The following OTUD7A variants were observed in gnomAD, a reference collection of about 807,000 sequenced individuals.
The protein encoded by OTUD7A is OTU domain-containing protein 7A.
A neutral mutation model predicts 65.7 loss-of-function variants in OTUD7A; 12 were observed. The ratio of observed to expected loss-of-function variants is 0.18; its 90% CI spans 0.12 to 0.30. The LOEUF is 0.30. OTUD7A is among the 10% of genes least tolerant of loss of function. The pLI is 1.00. For missense variants in OTUD7A, 1,148 were observed against 1,304.8 expected (o/e 0.88, Z 1.85); for synonymous variants, 641 against 586.3 (o/e 1.09, Z -1.35).
chr15:31,779,488 G>T (rs1018079525), intron 1 of OTUD7A, among the ~76,000 whole-genome samples: 2 of 152,282 alleles, frequency 1.3e-5, no homozygotes, highest in Middle Eastern at 3.4e-3. Context: ...CATATAAACA[G>T]CATTTGCTTT....
intron 8 of OTUD7A, among the ~76,000 whole-genome samples, chr15:31,513,520 G>A (rs1396219325): frequency 6.6e-6 from 1 of 152,188 alleles, no homozygotes; most frequent in South Asian, 2.1e-4. Context: ...CCTTCACCTG[G>A]AACATTTCTC....
chr15:31,607,093 T>C (rs559034780), intron 3 of OTUD7A, among the ~76,000 whole-genome samples: 1 of 152,206 alleles, frequency 6.6e-6, no homozygotes, highest in African/African-American at 2.4e-5. Context: ...ATAAAGGCAG[T>C]GAGGAATGTT....
intron 1 of OTUD7A, among the ~76,000 whole-genome samples, chr15:31,800,536 C>T (rs909134096): frequency 2.0e-5 from 3 of 152,090 alleles, no homozygotes; most frequent in Admixed American, 1.3e-4. Context: ...ACAGGAGAGC[C>T]AACCTACCCA....
At chr15:31,485,206 C>T (rs1049323012) in intron 12 of OTUD7A, among the ~76,000 whole-genome samples, 1 of 152,198 alleles carries the variant, frequency 6.6e-6, no homozygotes, top group African/African-American at 2.4e-5. Context: ...AGGATGGAGG[C>T]CTTCAGGTGG....
rs544234450 is a variant in OTUD7A, at chr15:31,811,286, T to C, written c.-100+59221A>G. Among the ~76,000 whole-genome samples, 96 of 151,948 alleles carry C rather than the reference T, an allele frequency of 6.3e-4. 1 individual carries two copies. The highest frequency in any genetic ancestry group is 6.8e-3 in the Middle Eastern group (2 of 294). ...TTAGGAAATGAATTATTGAGACCTTTTGGTTGATTTGATGTGTGTGTGTGG... is the reference window on the plus strand; with the variant it reads ...TTAGGAAATGAATTATTGAGACCTTCTGGTTGATTTGATGTGTGTGTGTGG... On this transcript the variant is annotated intron_variant, in intron 1 of 12. Coordinates refer to ENST00000307050, the MANE Select transcript of OTUD7A (RefSeq NM_001382637.1).
intron 1 of OTUD7A, among the ~76,000 whole-genome samples, chr15:31,807,806 A>AC (rs199823328): frequency 1.3e-4 from 20 of 151,552 alleles, no homozygotes; most frequent in Non-Finnish European, 2.5e-4. Flanking sequence ...CACTCCCCCA[A>AC]CCCCCCAAAA....
intron 1 of OTUD7A, among the ~76,000 whole-genome samples, chr15:31,687,691 T>C (rs561053066): frequency 6.6e-6 from 1 of 152,268 alleles, no homozygotes; most frequent in Non-Finnish European, 1.5e-5. Flanking sequence ...CTTGACCACC[T>C]CAGTATATGC....
intron 8 of OTUD7A, among the ~76,000 whole-genome samples, chr15:31,519,936 G>A (rs2041915417): frequency 6.6e-6 from 1 of 152,038 alleles, no homozygotes; most frequent in Non-Finnish European, 1.5e-5. Context: ...ATTTAACCAG[G>A]GATGTGAAAG....
At chr15:31,619,167 G>A (rs1173407771) in intron 3 of OTUD7A, among the ~76,000 whole-genome samples, 1 of 152,118 alleles carries the variant, frequency 6.6e-6, no homozygotes, top group Non-Finnish European at 1.5e-5. Flanking sequence ...ATGCTGTTTT[G>A]GTTACTGCAA....
At chr15:31,817,793 G>T (rs1031423068) in intron 1 of OTUD7A, among the ~76,000 whole-genome samples, 1 of 152,204 alleles carries the variant, frequency 6.6e-6, no homozygotes, top group African/African-American at 2.4e-5. Flanking sequence ...CCAACCTGCT[G>T]CCCACCTGCC....
At chr15:31,716,754 G>A (rs2141343748) in intron 1 of OTUD7A, among the ~76,000 whole-genome samples, 1 of 150,446 alleles carries the variant, frequency 6.6e-6, no homozygotes, top group South Asian at 2.2e-4. Context: ...CTAGGTACCT[G>A]GACTACACTA....
chr15:31,598,743 C>T (rs1393652838), intron 3 of OTUD7A, among the ~76,000 whole-genome samples: 4 of 152,196 alleles, frequency 2.6e-5, no homozygotes, highest in Admixed American at 2.6e-4. Context: ...GCCCAGCAAA[C>T]TAAGATGCAC....
At chr15:31,559,806 CTA>C (rs890941920) in intron 4 of OTUD7A, among the ~76,000 whole-genome samples, 6 of 152,178 alleles carry the variant, frequency 3.9e-5, no homozygotes, top group African/African-American at 9.7e-5. Flanking sequence ...CATGCACAGA[CTA>C]TATGCATACA....
chr15:31,656,273 G>A (rs1891988926), intron 2 of OTUD7A, among the ~76,000 whole-genome samples: 2 of 152,198 alleles, frequency 1.3e-5, no homozygotes, highest in Middle Eastern at 3.2e-3. Context: ...GGGCCCCAGT[G>A]GGTGCTCAAT....
chr15:31,691,537 G>A (rs1281336601), intron 1 of OTUD7A, among the ~76,000 whole-genome samples: 2 of 152,014 alleles, frequency 1.3e-5, no homozygotes, highest in Non-Finnish European at 2.9e-5. Context: ...ATATCCATAT[G>A]CAGAAGAATG....
Position 31,530,558 on chromosome 15 carries a change from C to G in OTUD7A, c.652+149G>C, listed in dbSNP as rs912804997. On this transcript the variant is annotated intron_variant, in intron 6 of 12. Coordinates refer to ENST00000307050, the MANE Select transcript of OTUD7A (RefSeq NM_001382637.1). ...ACAAGAAGGGCCAGGATTGTTGGCT[C>G]TGTCTCCTGGGGACTTTCTCATGAC... 7.7e-5 allele frequency: 50 copies of G among 647,400 alleles called. No individual in the cohort carries two copies. The South Asian group carries it at 1.0e-3, about 13-fold the overall frequency. The allele number at this position is 647,400 out of a possible 1,614,324, so 40.1% of individuals were successfully genotyped here. A position where few individuals can be genotyped will look rare whatever the true frequency, so the allele number is the denominator to read the frequency against.
chr15:31,490,416 T>C (rs188086774), intron 10 of OTUD7A, among the ~76,000 whole-genome samples: 1 of 152,254 alleles, frequency 6.6e-6, no homozygotes, highest in South Asian at 2.1e-4. Context: ...TTTCTGGTTT[T>C]TGTCTCCGAT....
chr15:31,853,909 T>C (rs910295038), intron 1 of OTUD7A, among the ~76,000 whole-genome samples: 5 of 151,986 alleles, frequency 3.3e-5, no homozygotes, highest in African/African-American at 1.2e-4. Flanking sequence ...GAAGAGAGGG[T>C]AGGGAAGGAG....
chr15:31,582,635 C>A (rs1317737444), intron 3 of OTUD7A, among the ~76,000 whole-genome samples: 2 of 152,128 alleles, frequency 1.3e-5, no homozygotes, highest in Non-Finnish European at 2.9e-5. Flanking sequence ...ACCATCAGAT[C>A]TCATGAGACT....
Sources: gnomAD v4.1 joint callset for allele counts (sites outside exome capture counted in the v4.1 genomes callset) on GRCh38, gnomAD v4.1.1 for gene constraint, MANE v1.5 for transcripts, NCBI Gene and HGNC (gene_info 2026-07-23, HGNC 2026-07-21) for gene names.